CYTH3: variants seen among roughly 807,000 people sequenced by gnomAD.
CYTH3 encodes cytohesin-3.
In CYTH3, 23 loss-of-function variants were observed where a neutral mutation model predicts 55.1. That is an observed-to-expected ratio of 0.42 (90% CI 0.30 to 0.59). The LOEUF (loss-of-function observed/expected upper bound fraction) is 0.59. CYTH3 is among the 20% of genes least tolerant of loss of function. CYTH3 has a pLI of 0.20. For missense variants in CYTH3, 413 were observed against 524.8 expected, an observed-to-expected ratio of 0.79 and a Z score of 2.08; for synonymous variants, 249 against 194.9, an observed-to-expected ratio of 1.28 and a Z score of -2.31.
Position 6,240,249 on chromosome 7 carries a change from G to C in CYTH3, c.34+32225C>G, listed in dbSNP as rs1779639759. On this transcript the variant is annotated intron_variant, in intron 1 of 12. Transcript: ENST00000350796. ...GCCTGGGATGTGGAGGTTGCAGTGA[G>C]CTGAGATCGTGCCATTGTACTCCAG... 3.4e-5 allele frequency among the ~76,000 whole-genome samples: 5 copies of C among 145,450 alleles called. No homozygotes were observed. The South Asian group carries it at 1.1e-3, about 31-fold the overall frequency.
chr7:6,215,253 G>A (rs1306333173), intron 1 of CYTH3, among the ~76,000 whole-genome samples: 2 of 152,120 alleles, frequency 1.3e-5, no homozygotes, highest in African/African-American at 4.8e-5. Context: ...CACGGTTCAG[G>A]GGCACTTGAT....
chr7:6,183,957 G>A (rs1453547124), intron 4 of CYTH3, among the ~76,000 whole-genome samples: 1 of 146,668 alleles, frequency 6.8e-6, no homozygotes, highest in Non-Finnish European at 1.5e-5. Context: ...GCCCTCACCA[G>A]ACACCAATCA....
At chr7:6,241,981 A>G (rs1169652333) in intron 1 of CYTH3, among the ~76,000 whole-genome samples, 3 of 152,222 alleles carry the variant, frequency 2.0e-5, no homozygotes, top group Non-Finnish European at 4.4e-5. Flanking sequence ...AAGAGGTAGG[A>G]CAGGGGACAG....
chr7:6,164,103 T>C lies in CYTH3; in HGVS notation c.*841A>G, dbSNP rs1466713890. ...AAAGTATTTGTGGGGCCAAAAAGCC[T>C]GGTTGAAGGGAGGCCTCATGGGAGT... On this transcript the variant is annotated 3_prime_UTR_variant, in exon 13 of 13. Transcript: ENST00000350796. 1 of 152,220 alleles carries C rather than the reference T, an allele frequency of 6.6e-6. No homozygotes were observed. The highest frequency in any genetic ancestry group is 1.5e-5 in the Non-Finnish European group (1 of 68,042). 9.4% of individuals were successfully genotyped at this position (152,220 alleles called of 1,614,324 possible). A position where few individuals can be genotyped will look rare whatever the true frequency, so the allele number is the denominator to read the frequency against.
At chr7:6,248,810 G>T (rs1260458249) in intron 1 of CYTH3, among the ~76,000 whole-genome samples, 1 of 152,200 alleles carries the variant, frequency 6.6e-6, no homozygotes, top group African/African-American at 2.4e-5. Context: ...TCTTCACCCT[G>T]ATCCCACTAT....
rs1019703498 is a variant in CYTH3, at chr7:6,167,460, C to T, written c.824-1650G>A. On this transcript the variant is annotated intron_variant, in intron 9 of 12. Coordinates refer to ENST00000350796, the MANE Select transcript of CYTH3 (RefSeq NM_004227.4). The surrounding 1 kb of genome is among the most constrained non-coding windows in gnomAD (Gnocchi z 5.5). ...ACTACCCTGACATCCGTCACTGTCACGGTCGCCTCTGCTTCCCTCCAGAGA... is the reference window on the plus strand; with the variant it reads ...ACTACCCTGACATCCGTCACTGTCATGGTCGCCTCTGCTTCCCTCCAGAGA... Among the ~76,000 whole-genome samples the T allele has an allele frequency of 2.6e-5, 4 of 152,268 alleles. No homozygotes were observed. The highest frequency in any genetic ancestry group is 2.6e-4 in the Admixed American group (4 of 15,292).
chr7:6,165,352 C>T lies in CYTH3; in HGVS notation c.1048G>A (p.Val350Met), dbSNP rs1299916093. The change falls in exon 12 of 13, where the codon GTG becomes ATG. Residue 350 changes from valine to methionine, a missense_variant. Physicochemically the swap from Val to Met is conservative, Grantham distance 21. Transcript: ENST00000350796. Reference sequence around the variant, plus strand: ...TACACCACATGGTTCCCCTCTACCACGCGGCCGTCGGCCTCAGTCTTACAG... The same window carrying T: ...TACACCACATGGTTCCCCTCTACCATGCGGCCGTCGGCCTCAGTCTTACAG... Reference protein sequence around the residue: ...KACKTEADGRVVEGNHVVYRI... With the variant: ...KACKTEADGRMVEGNHVVYRI... The T allele has an allele frequency of 2.5e-6, 4 of 1,614,192 alleles. No homozygotes were observed. The highest frequency in any genetic ancestry group is 2.2e-5 in the East Asian group (1 of 44,870).
chr7:6,172,923 A>C, intron 6 of CYTH3: 1 of 1,185,484 alleles, frequency 8.4e-7, no homozygotes, highest in Non-Finnish European at 1.1e-6. Flanking sequence ...AGGTAAGGCC[A>C]TGAGCAAACA....
intron 1 of CYTH3, among the ~76,000 whole-genome samples, chr7:6,198,195 A>C (rs1783979614): frequency 6.6e-6 from 1 of 152,216 alleles, no homozygotes; most frequent in Admixed American, 6.5e-5. Context: ...CATTACTAGG[A>C]AGTAACAGAA....
chr7:6,165,033 AAC>A lies in CYTH3; in HGVS notation c.1128-19_1128-18del. ...ATACTGGCTCTGGTGAAAAAAGGAAAACACACAGGTTAGGTCGTGGGTGACAC... is the reference window on the plus strand; with the variant it reads ...ATACTGGCTCTGGTGAAAAAAGGAAAACACAGGTTAGGTCGTGGGTGACAC... On this transcript the variant is annotated intron_variant, in intron 12 of 12. Coordinates refer to ENST00000350796, the MANE Select transcript of CYTH3 (RefSeq NM_004227.4). 2 of 1,614,106 alleles carry A rather than the reference AAC, an allele frequency of 1.2e-6. No individual in the cohort carries two copies. Among genetic ancestry groups the A allele is most frequent in the African/African-American group, 1.3e-5 (1 of 75,040 alleles).
chr7:6,179,570 A>G (rs1783422246), intron 4 of CYTH3, among the ~76,000 whole-genome samples: 1 of 151,158 alleles, frequency 6.6e-6, no homozygotes, highest in Non-Finnish European at 1.5e-5. Context: ...CAGGGGCACC[A>G]TCTAAATTAC....
At chr7:6,220,154 C>T (rs993119341) in intron 1 of CYTH3, among the ~76,000 whole-genome samples, 1 of 152,106 alleles carries the variant, frequency 6.6e-6, no homozygotes, top group African/African-American at 2.4e-5. Context: ...GCCTCGGCCT[C>T]CCAAAGTGCT....
chr7:6,272,514 G>T lies in CYTH3; in HGVS notation c.-7C>A, dbSNP rs1780694109. On this transcript the variant is annotated 5_prime_UTR_variant, in exon 1 of 13. Coordinates refer to ENST00000350796, the MANE Select transcript of CYTH3 (RefSeq NM_004227.4). ...CGCCGCCGTCTTCATCCATCTTGAG[G>T]CCACTCCCGCAGCCGGCGAGCCGGG... The T allele has an allele frequency of 7.6e-7, 1 of 1,317,152 alleles. No homozygotes were observed. Among genetic ancestry groups the T allele is most frequent in the Non-Finnish European group, 9.8e-7 (1 of 1,021,048 alleles). 81.6% of individuals were successfully genotyped at this position (1,317,152 alleles called of 1,614,324 possible).
intron 1 of CYTH3, among the ~76,000 whole-genome samples, chr7:6,256,650 T>C (rs1213409703): frequency 6.6e-6 from 1 of 152,190 alleles, no homozygotes; most frequent in South Asian, 2.1e-4. Flanking sequence ...ACTTAAATCC[T>C]AAAACAAATG....
intron 1 of CYTH3, among the ~76,000 whole-genome samples, chr7:6,241,725 G>C (rs1047759692): frequency 6.6e-6 from 1 of 152,078 alleles, no homozygotes; most frequent in Non-Finnish European, 1.5e-5. Context: ...AAAAAAAGTG[G>C]TGGGGTTGCA....
At chr7:6,184,814 G>A (rs1162064537) in intron 4 of CYTH3, among the ~76,000 whole-genome samples, 4 of 152,214 alleles carry the variant, frequency 2.6e-5, no homozygotes, top group African/African-American at 9.6e-5. Context: ...CTGACCTCAG[G>A]TGATCTGCCC....
intron 1 of CYTH3, among the ~76,000 whole-genome samples, chr7:6,252,379 G>A (rs1034950159): frequency 6.6e-6 from 1 of 152,078 alleles, no homozygotes; most frequent in African/African-American, 2.4e-5. Context: ...TATACTCTCT[G>A]GTTACGTGGC....
At chr7:6,165,941 T>G in intron 9 of CYTH3, 131 bp from the exon 10 acceptor site, 3 of 866,702 alleles carry the variant, frequency 3.5e-6, no homozygotes, top group Non-Finnish European at 5.4e-6. Context: ...TGGGTTCAGG[T>G]GTCCTTCAGC....
intron 1 of CYTH3, among the ~76,000 whole-genome samples, chr7:6,261,688 T>TAA (rs1780357540): frequency 2.0e-5 from 1 of 51,034 alleles, no homozygotes; most frequent in African/African-American, 8.6e-5. Flanking sequence ...AGACCCTGTC[T>TAA]CAAAAAAAAA....
Sources: allele counts gnomAD v4.1 joint callset (sites outside exome capture counted in the v4.1 genomes callset), GRCh38; gene constraint gnomAD v4.1.1; non-coding constraint Gnocchi (gnomAD v3.1); transcripts MANE v1.5; gene names NCBI Gene and HGNC (gene_info 2026-07-23, HGNC 2026-07-21).